ZCCHC17: variants seen among roughly 807,000 people sequenced by gnomAD.
ZCCHC17 encodes zinc finger CCHC domain-containing protein 17.
In ZCCHC17, 18 loss-of-function variants were observed where a neutral mutation model predicts 30.6. The observed-to-expected ratio is 0.59, with a 90% CI of 0.41 to 0.87. The LOEUF (loss-of-function observed/expected upper bound fraction) is 0.87, where lower values mean the gene tolerates loss of function less well. Ranked by LOEUF, ZCCHC17 falls within the 40% of genes least tolerant of loss-of-function variation. The probability of loss-of-function intolerance (pLI) is 0.00; values close to 1 mark genes in which losing one functional copy is unlikely to be tolerated. For synonymous variants in ZCCHC17, 88 were observed against 92.4 expected, an observed-to-expected ratio of 0.95 and a Z score of 0.27; for missense variants, 263 against 284.2, an observed-to-expected ratio of 0.93 and a Z score of 0.54.
intron 2 of ZCCHC17, among the ~76,000 whole-genome samples, chr1:31,315,266 G>A (rs1646705615): frequency 6.6e-6 from 1 of 152,144 alleles, no homozygotes; most frequent in Non-Finnish European, 1.5e-5. Context: ...GTAGATAGGT[G>A]CTTAAAATGG....
intron 7 of ZCCHC17, among the ~76,000 whole-genome samples, chr1:31,354,598 A>G (rs1639578216): frequency 6.6e-6 from 1 of 152,224 alleles, no homozygotes; most frequent in African/African-American, 2.4e-5. Flanking sequence ...TACTTGTTAC[A>G]TTCCTAAAGA....
chr1:31,328,071 G>C (rs1439324481), intron 3 of ZCCHC17, among the ~76,000 whole-genome samples: 1 of 152,196 alleles, frequency 6.6e-6, no homozygotes, highest in Non-Finnish European at 1.5e-5. Context: ...TGAATCTTCT[G>C]TGTGTGAAAT....
chr1:31,347,758 T>TACC (rs1206332726), intron 6 of ZCCHC17, among the ~76,000 whole-genome samples: 1 of 152,120 alleles, frequency 6.6e-6, no homozygotes, highest in African/African-American at 2.4e-5. Flanking sequence ...CACAGGTGTG[T>TACC]ACCACCATGT....
intron 3 of ZCCHC17, among the ~76,000 whole-genome samples, chr1:31,325,846 C>T (rs901160339): frequency 1.3e-5 from 2 of 152,038 alleles, no homozygotes; most frequent in Admixed American, 1.3e-4. Flanking sequence ...AAAAGTGACA[C>T]CTGAAGAATC....
chr1:31,317,394 C>T (rs1233367855), intron 2 of ZCCHC17, among the ~76,000 whole-genome samples: 1 of 152,144 alleles, frequency 6.6e-6, no homozygotes, highest in African/African-American at 2.4e-5. Flanking sequence ...GTGTCTTAGA[C>T]TGTAAATTAT....
At chr1:31,303,013 C>T (rs573823445) in intron 1 of ZCCHC17, among the ~76,000 whole-genome samples, 2 of 152,180 alleles carry the variant, frequency 1.3e-5, no homozygotes, top group Admixed American at 1.3e-4. Flanking sequence ...TGCCATGGCT[C>T]ATGCCTGTAA....
At chr1:31,322,279 A>T (rs189293363) in intron 3 of ZCCHC17, among the ~76,000 whole-genome samples, 1 of 152,332 alleles carries the variant, frequency 6.6e-6, no homozygotes, top group Admixed American at 6.5e-5. Context: ...GCTCAGTCCC[A>T]CATGACTACC....
At chr1:31,349,920 A>G (rs971221697) in intron 7 of ZCCHC17, among the ~76,000 whole-genome samples, 15 of 152,314 alleles carry the variant, frequency 9.8e-5, no homozygotes, top group Admixed American at 3.3e-4. Context: ...ATAAATTCCT[A>G]AGTAAGATTA....
intron 7 of ZCCHC17, among the ~76,000 whole-genome samples, chr1:31,360,994 G>A (rs1259692992): frequency 6.6e-6 from 1 of 152,134 alleles, no homozygotes; most frequent in Non-Finnish European, 1.5e-5. Flanking sequence ...CAGGGAACTG[G>A]TGCCAGACTC....
At position 31,346,637 on chromosome 1, in the gene ZCCHC17, T is replaced by TAGGCAAGAAGAG; in HGVS notation, c.320_331dup. The TAGGCAAGAAGAG allele has an allele frequency of 1.9e-6, 3 of 1,602,064 alleles. No homozygotes were observed. The highest frequency in any genetic ancestry group is 1.7e-6 in the Non-Finnish European group (2 of 1,171,236). On this transcript the variant is annotated splice_region_variant and splice_polypyrimidine_tract_variant and intron_variant, in intron 5 of 7. Coordinates refer to ENST00000344147, the MANE Select transcript of ZCCHC17 (RefSeq NM_016505.4). ...CCGGCAGTCGGTATCTTTTTCATTA[T>TAGGCAAGAAGAG]AGGCAAGAAGAGAGGCGGAGGCGAT...
At chr1:31,338,077 T>C (rs1450122418) in intron 4 of ZCCHC17, among the ~76,000 whole-genome samples, 1 of 151,356 alleles carries the variant, frequency 6.6e-6, no homozygotes, top group East Asian at 1.9e-4. Flanking sequence ...TCAACTGATC[T>C]TGCCACCTCA....
chr1:31,331,470 A>T (rs1476413241), intron 3 of ZCCHC17, among the ~76,000 whole-genome samples: 1 of 151,678 alleles, frequency 6.6e-6, no homozygotes, highest in Non-Finnish European at 1.5e-5. Flanking sequence ...CTACCGAGGG[A>T]GAGATTATGG....
At chr1:31,320,004 T>C (rs1304823136) in intron 3 of ZCCHC17, among the ~76,000 whole-genome samples, 1 of 152,138 alleles carries the variant, frequency 6.6e-6, no homozygotes, top group African/African-American at 2.4e-5. Context: ...GTAGTACATA[T>C]GATAAAGAGC....
At position 31,330,949 on chromosome 1, in the gene ZCCHC17, T is replaced by C. The variant is rs142722886; in HGVS notation, c.125-6226T>C. ...TGCTTTCTGAGAATGAATCTAGTCA[T>C]GAATCCCTCCCATACAGAGTATAGT... On this transcript the variant is annotated intron_variant, in intron 3 of 7. Transcript: ENST00000344147. Among the ~76,000 whole-genome samples, 1,468 of 152,304 alleles carry C rather than the reference T, an allele frequency of 9.6e-3. 27 individuals carry two copies. Among genetic ancestry groups the C allele is most frequent in the African/African-American group, 0.032 (1,331 of 41,556 alleles).
At chr1:31,339,079 C>A in intron 5 of ZCCHC17, 31 bp downstream of exon 5, 2 of 1,506,478 alleles carry the variant, frequency 1.3e-6, no homozygotes, top group Non-Finnish European at 1.8e-6. Flanking sequence ...GGTGAAAATT[C>A]TTCTGCCTCC....
At chr1:31,357,571 A>G (rs1375360375) in intron 7 of ZCCHC17, among the ~76,000 whole-genome samples, 2 of 152,220 alleles carry the variant, frequency 1.3e-5, no homozygotes, top group African/African-American at 4.8e-5. Context: ...TTAGATTCTA[A>G]TGGATGGGGT....
In ZCCHC17 at chr1:31,325,512, A is replaced by G. The variant is rs566877583; in HGVS notation, c.124+6346A>G. 5.9e-5 allele frequency among the ~76,000 whole-genome samples: 9 copies of G among 152,276 alleles called. No individual in the cohort carries two copies. The South Asian group carries it at 1.7e-3, about 28-fold the overall frequency. ...ATGCCTGGTCCATCCACAGCCTCAC[A>G]TGGAGCTGGTGCCTGTGCCAGCACC... On this transcript the variant is annotated intron_variant, in intron 3 of 7. Transcript: ENST00000344147.
intron 6 of ZCCHC17, 77 bp downstream of exon 6, chr1:31,346,817 G>A (rs1287583762): frequency 6.3e-7 from 1 of 1,591,718 alleles, no homozygotes; most frequent in Non-Finnish European, 8.6e-7. Flanking sequence ...AGGCAGCCCA[G>A]TGTGAGTTTA....
intron 6 of ZCCHC17, among the ~76,000 whole-genome samples, chr1:31,348,109 G>C (rs1306851401): frequency 2.0e-5 from 3 of 152,200 alleles, no homozygotes; most frequent in African/African-American, 7.2e-5. Context: ...AGAATAATGA[G>C]AGGTGGAATT....
Sources: gnomAD v4.1 joint callset for allele counts (sites outside exome capture counted in the v4.1 genomes callset) on GRCh38, gnomAD v4.1.1 for gene constraint, MANE v1.5 for transcripts, NCBI Gene and HGNC (gene_info 2026-07-23, HGNC 2026-07-21) for gene names.